ZNF251: variants seen among roughly 807,000 people sequenced by gnomAD.
The protein encoded by ZNF251 is zinc finger protein 251.
A neutral mutation model predicts 13.5 loss-of-function variants in ZNF251; 14 were observed. The ratio of observed to expected loss-of-function variants is 1.04; its 90% CI spans 0.69 to 1.63. ZNF251 has a LOEUF of 1.63. Ranked by LOEUF, ZNF251 falls within the 40% of genes most tolerant of loss-of-function variation. ZNF251 has a pLI of 0.00. For missense variants in ZNF251, 764 were observed against 834.9 expected (o/e 0.92, Z 1.05); for synonymous variants, 287 against 295.2 (o/e 0.97, Z 0.28).
At chr8:144,725,154 C>T (rs1305596995) in intron 4 of ZNF251, among the ~76,000 whole-genome samples, 1 of 152,228 alleles carries the variant, frequency 6.6e-6, no homozygotes, top group Non-Finnish European at 1.5e-5. Context: ...GCTGCGACTA[C>T]AGATGCTCAC....
chr8:144,729,203 C>T lies in ZNF251; in HGVS notation c.278-5821G>A, dbSNP rs550180203. The stretch of plus-strand genomic sequence containing the variant: ...GTTAAAATTTAAAAATACGAGTTTA[C>T]TCCTAAAGCTCCTGGTTATAAAAGT... On this transcript the variant is annotated intron_variant, in intron 4 of 4. Coordinates refer to ENST00000292562, the MANE Select transcript of ZNF251 (RefSeq NM_138367.2). 1.4e-3 allele frequency among the ~76,000 whole-genome samples: 207 copies of T among 151,656 alleles called. 1 individual carries two copies. Among genetic ancestry groups the T allele is most frequent in the African/African-American group, 4.8e-3 (197 of 41,376 alleles).
At chr8:144,732,863 C>T (rs561353399) in intron 4 of ZNF251, among the ~76,000 whole-genome samples, 2 of 148,664 alleles carry the variant, frequency 1.3e-5, no homozygotes, top group South Asian at 4.5e-4. Context: ...TATCAGACCT[C>T]AAAAAACAAA....
At chr8:144,754,134 C>A in intron 3 of ZNF251, 58 bp downstream of exon 3, 1 of 1,562,670 alleles carries the variant, frequency 6.4e-7, no homozygotes, top group South Asian at 1.2e-5. Flanking sequence ...GCCAAAGCAG[C>A]CTCCCAAGCT....
intron 4 of ZNF251, among the ~76,000 whole-genome samples, chr8:144,731,581 T>A (rs1470663939): frequency 6.6e-6 from 1 of 152,232 alleles, no homozygotes; most frequent in African/African-American, 2.4e-5. Flanking sequence ...CTTTGTTATT[T>A]TATGTATGTT....
At chr8:144,753,266 T>C in intron 4 of ZNF251, among the ~76,000 whole-genome samples, 1 of 116,132 alleles carries the variant, frequency 8.6e-6, no homozygotes, top group Non-Finnish European at 1.7e-5. Flanking sequence ...AGAGTGAGAT[T>C]CTGTCTCGAA....
At chr8:144,745,185 A>ATT (rs1824360723) in intron 4 of ZNF251, among the ~76,000 whole-genome samples, 1 of 133,034 alleles carries the variant, frequency 7.5e-6, no homozygotes, top group Non-Finnish European at 1.6e-5. Context: ...GGGTGTCTAG[A>ATT]TTCTTTTTTT....
chr8:144,739,800 CGGGA>C (rs1563763989), intron 4 of ZNF251, among the ~76,000 whole-genome samples: 1 of 151,748 alleles, frequency 6.6e-6, no homozygotes, highest in African/African-American at 2.4e-5. Flanking sequence ...GAGGCTGAGG[CGGGA>C]GGATCACTTG....
Position 144,740,732 on chromosome 8 carries a change from G to A in ZNF251, c.277+12951C>T, listed in dbSNP as rs567913245. On this transcript the variant is annotated intron_variant, in intron 4 of 4. Coordinates refer to ENST00000292562, the MANE Select transcript of ZNF251 (RefSeq NM_138367.2). Reference sequence around the variant, plus strand: ...GCAGATTGCCTAAGCTCAGGAATTCGAGACCAGCCTGACCAACATGGTGAA... The same window carrying A: ...GCAGATTGCCTAAGCTCAGGAATTCAAGACCAGCCTGACCAACATGGTGAA... Among the ~76,000 whole-genome samples, 6 of 151,896 alleles carry A rather than the reference G, an allele frequency of 4.0e-5. No homozygotes were observed. The South Asian group carries it at 6.2e-4, about 16-fold the overall frequency.
At chr8:144,739,655 T>C (rs1456536051) in intron 4 of ZNF251, among the ~76,000 whole-genome samples, 1 of 152,102 alleles carries the variant, frequency 6.6e-6, no homozygotes, top group African/African-American at 2.4e-5. Flanking sequence ...TCCCAGCACT[T>C]TGGGAGGCCA....
chr8:144,754,440 T>C (rs1486868085), intron 2 of ZNF251, 119 bp from the exon 3 acceptor site: 69 of 1,447,212 alleles, frequency 4.8e-5, no homozygotes, highest in Non-Finnish European at 5.9e-5. Flanking sequence ...GTATGAACTG[T>C]GTATCAGCAG....
chr8:144,745,479 T>G (rs1430547032), intron 4 of ZNF251, among the ~76,000 whole-genome samples: 1 of 152,178 alleles, frequency 6.6e-6, no homozygotes, highest in Admixed American at 6.5e-5. Flanking sequence ...AGTTGACTAT[T>G]CTGGGTCTTT....
intron 4 of ZNF251, among the ~76,000 whole-genome samples, chr8:144,736,484 TTTA>T (rs1823899041): frequency 6.7e-6 from 1 of 150,176 alleles, no homozygotes; most frequent in Non-Finnish European, 1.5e-5. Flanking sequence ...TATTTATTTA[TTTA>T]TTTATTTATT....
chr8:144,735,967 C>G (rs572251736), intron 4 of ZNF251, among the ~76,000 whole-genome samples: 2 of 152,268 alleles, frequency 1.3e-5, no homozygotes, highest in South Asian at 4.1e-4. Flanking sequence ...CCTGGCCCCC[C>G]ACAGCGGGAC....
At chr8:144,730,053 T>C in intron 4 of ZNF251, 3 of 985,454 alleles carry the variant, frequency 3.0e-6, no homozygotes, top group Non-Finnish European at 3.6e-6. Flanking sequence ...GCTCACTCAC[T>C]GTGCAGCTGT....
intron 4 of ZNF251, among the ~76,000 whole-genome samples, chr8:144,724,527 T>C (rs1408438380): frequency 6.6e-6 from 1 of 152,018 alleles, no homozygotes; most frequent in African/African-American, 2.4e-5. Flanking sequence ...GCTGACAATA[T>C]GTAGCCAAAA....
At chr8:144,730,849 GAACA>G (rs1402656540) in intron 4 of ZNF251, among the ~76,000 whole-genome samples, 1 of 152,172 alleles carries the variant, frequency 6.6e-6, no homozygotes, top group Non-Finnish European at 1.5e-5. Context: ...CTTCAAAGGC[GAACA>G]AACAAAAACA....
chr8:144,737,036 T>A (rs1823927538), intron 4 of ZNF251, among the ~76,000 whole-genome samples: 1 of 151,656 alleles, frequency 6.6e-6, no homozygotes, highest in Non-Finnish European at 1.5e-5. Flanking sequence ...ATTCCTGACC[T>A]CCGATGATCC....
chr8:144,723,477 G>T, intron 4 of ZNF251, 95 bp from the exon 5 acceptor site: 1 of 864,516 alleles, frequency 1.2e-6, no homozygotes, highest in Non-Finnish European at 1.6e-6. Flanking sequence ...CCATCATGCA[G>T]AAGGCAGATG....
Position 144,721,676 on chromosome 8 carries a change from T to G in ZNF251, c.1984A>C (p.Ile662Leu). 1 of 1,343,330 alleles carries G rather than the reference T, an allele frequency of 7.4e-7. No homozygotes were observed. The highest frequency in any genetic ancestry group is 9.6e-7 in the Non-Finnish European group (1 of 1,037,592). 83.2% of individuals were successfully genotyped at this position (1,343,330 alleles called of 1,614,324 possible). A position where few individuals can be genotyped will look rare whatever the true frequency, so the allele number is the denominator to read the frequency against. Reference sequence around the variant, plus strand: ...TGTCTTTCTTGGAAAATCTTCTTGATATGAATAAAGTATCTTTTAGAGCCA... The same window carrying G: ...TGTCTTTCTTGGAAAATCTTCTTGAGATGAATAAAGTATCTTTTAGAGCCA... The part of the protein sequence containing the change: ...NDGSKRYFIH[I>L]KKIFQERHF The change falls in exon 5 of 5, where the codon ATC becomes CTC. Residue 662 changes from isoleucine to leucine, a missense_variant. Physicochemically the swap from Ile to Leu is conservative, Grantham distance 5. Coordinates refer to ENST00000292562, the MANE Select transcript of ZNF251 (RefSeq NM_138367.2).
Sources: allele counts gnomAD v4.1 joint callset (sites outside exome capture counted in the v4.1 genomes callset), GRCh38; gene constraint gnomAD v4.1.1; transcripts MANE v1.5; gene names NCBI Gene and HGNC (gene_info 2026-07-23, HGNC 2026-07-21).